The following XKR4 variants were observed in gnomAD, a reference collection of about 807,000 sequenced individuals.
XKR4 encodes the protein XK related 4, also known as XK-related protein 4.
Under a neutral mutation model 53.9 loss-of-function variants are expected in XKR4, and 12 were observed. The observed-to-expected ratio is 0.22, with a 90% CI of 0.14 to 0.36. XKR4 has a LOEUF of 0.36. Among genes scored for constraint, XKR4 ranks in the 10% least tolerant of loss-of-function variants. The probability of loss-of-function intolerance (pLI) is 1.00; values close to 1 mark genes in which losing one functional copy is unlikely to be tolerated. For missense variants in XKR4, 799 were observed against 859.5 expected, an observed-to-expected ratio of 0.93 and a Z score of 0.88; for synonymous variants, 354 against 362.4, an observed-to-expected ratio of 0.98 and a Z score of 0.26.
chr8:55,490,277 T>C (rs1277363507), intron 2 of XKR4, among the ~76,000 whole-genome samples: 3 of 152,220 alleles, frequency 2.0e-5, no homozygotes, highest in Non-Finnish European at 4.4e-5. Context: ...ATGATGTTCT[T>C]TGCAGCGACA....
intron 1 of XKR4, among the ~76,000 whole-genome samples, chr8:55,250,147 T>C (rs1181193310): frequency 6.6e-6 from 1 of 152,222 alleles, no homozygotes; most frequent in Admixed American, 6.5e-5. Context: ...CTTAGGTTCC[T>C]GATGGTTTCA....
intron 2 of XKR4, among the ~76,000 whole-genome samples, chr8:55,499,701 G>C (rs1458403049): frequency 6.6e-6 from 1 of 152,330 alleles, no homozygotes; most frequent in East Asian, 1.9e-4. Flanking sequence ...CAGCTTGGCA[G>C]AGAGAGCCGT....
At chr8:55,283,282 C>T (rs867054949) in intron 1 of XKR4, among the ~76,000 whole-genome samples, 2 of 152,160 alleles carry the variant, frequency 1.3e-5, no homozygotes, top group South Asian at 2.1e-4. Context: ...TTTTTCATGA[C>T]AGCTGGATGA....
intron 2 of XKR4, among the ~76,000 whole-genome samples, chr8:55,514,026 G>C (rs1220181955): frequency 2.6e-5 from 4 of 152,182 alleles, no homozygotes; most frequent in African/African-American, 9.7e-5. Flanking sequence ...CAAGCCAAAT[G>C]CTTGTGACAG....
chr8:55,171,407 T>C (rs192802072), intron 1 of XKR4, among the ~76,000 whole-genome samples: 21 of 152,240 alleles, frequency 1.4e-4, no homozygotes, highest in African/African-American at 4.6e-4. Context: ...CATAGACTTT[T>C]GGAAAGCTTC....
At chr8:55,147,257 A>T (rs1816783374) in intron 1 of XKR4, among the ~76,000 whole-genome samples, 1 of 152,132 alleles carries the variant, frequency 6.6e-6, no homozygotes, top group Admixed American at 6.5e-5. Flanking sequence ...AAAAAAAATA[A>T]CTCTTCAGAA....
intron 1 of XKR4, among the ~76,000 whole-genome samples, chr8:55,126,324 G>A (rs972861652): frequency 6.6e-6 from 1 of 152,194 alleles, no homozygotes; most frequent in African/African-American, 2.4e-5. Context: ...TCTTGTCCCT[G>A]TTGTCCTCCT....
At chr8:55,157,832 T>C (rs894803431) in intron 1 of XKR4, among the ~76,000 whole-genome samples, 4 of 152,130 alleles carry the variant, frequency 2.6e-5, no homozygotes, top group Non-Finnish European at 2.9e-5. Context: ...GCCCCATCCA[T>C]GTTGCTGCAA....
chr8:55,440,259 T>G (rs1035780856), intron 2 of XKR4, among the ~76,000 whole-genome samples: 1 of 152,146 alleles, frequency 6.6e-6, no homozygotes, highest in African/African-American at 2.4e-5. Flanking sequence ...GTAGAATGAT[T>G]CTATAAAAAA....
At chr8:55,233,493 T>G (rs1333242189) in intron 1 of XKR4, among the ~76,000 whole-genome samples, 1 of 152,222 alleles carries the variant, frequency 6.6e-6, no homozygotes, top group Non-Finnish European at 1.5e-5. Context: ...CATGGCCTCA[T>G]GCCTGCACAG....
At chr8:55,292,763 G>A (rs1266472715) in intron 1 of XKR4, among the ~76,000 whole-genome samples, 2 of 152,070 alleles carry the variant, frequency 1.3e-5, no homozygotes, top group African/African-American at 2.4e-5. Context: ...TAATGTGAGT[G>A]TTTAGTTCTA....
intron 2 of XKR4, among the ~76,000 whole-genome samples, chr8:55,521,993 C>G (rs1806804441): frequency 6.6e-6 from 1 of 152,072 alleles, no homozygotes; most frequent in South Asian, 2.1e-4. Context: ...TAGATGAGAC[C>G]ATTCTTAGTC....
intron 1 of XKR4, among the ~76,000 whole-genome samples, chr8:55,306,964 A>G (rs1007660608): frequency 2.4e-4 from 37 of 151,986 alleles, no homozygotes; most frequent in African/African-American, 8.9e-4. Flanking sequence ...GCCTCAACCT[A>G]AGCCTCACAC....
chr8:55,501,045 C>T (rs1806428968), intron 2 of XKR4, among the ~76,000 whole-genome samples: 1 of 152,160 alleles, frequency 6.6e-6, no homozygotes, highest in Non-Finnish European at 1.5e-5. Flanking sequence ...GGCAGGTAAT[C>T]AGTTAAGTAG....
intron 2 of XKR4, among the ~76,000 whole-genome samples, chr8:55,499,083 A>C (rs1237441502): frequency 6.6e-6 from 1 of 152,224 alleles, no homozygotes; most frequent in African/African-American, 2.4e-5. Flanking sequence ...TCTCCTGGTT[A>C]CTTGAGGAAA....
intron 1 of XKR4, among the ~76,000 whole-genome samples, chr8:55,235,032 A>G (rs184806284): frequency 2.0e-5 from 3 of 152,350 alleles, no homozygotes; most frequent in African/African-American, 7.2e-5. Flanking sequence ...ATTCTTTCAC[A>G]GCTCAGGAGG....
chr8:55,166,811 G>A (rs764002003), intron 1 of XKR4, among the ~76,000 whole-genome samples: 3 of 152,176 alleles, frequency 2.0e-5, no homozygotes, highest in Non-Finnish European at 2.9e-5. Context: ...AAGGAGATAA[G>A]GATGGGACCA....
chr8:55,218,858 T>C (rs1817838863), intron 1 of XKR4, among the ~76,000 whole-genome samples: 1 of 152,234 alleles, frequency 6.6e-6, no homozygotes, highest in Non-Finnish European at 1.5e-5. Context: ...ACTCGGCTTA[T>C]GAAGAGCTGT....
chr8:55,255,423 T>C (rs552857610), intron 1 of XKR4, among the ~76,000 whole-genome samples: 1 of 152,322 alleles, frequency 6.6e-6, no homozygotes, highest in East Asian at 1.9e-4. Flanking sequence ...TTTCCAGCAT[T>C]TATCCCAATA....
Sources: gnomAD v4.1 joint callset for allele counts (sites outside exome capture counted in the v4.1 genomes callset) on GRCh38, gnomAD v4.1.1 for gene constraint, MANE v1.5 for transcripts, NCBI Gene and HGNC (gene_info 2026-07-23, HGNC 2026-07-21) for gene names.